WDR82: variants seen among roughly 807,000 people sequenced by gnomAD.
The protein encoded by WDR82 is WD repeat domain 82.
Under a neutral mutation model 36.1 loss-of-function variants are expected in WDR82, and 8 were observed. The observed-to-expected ratio is 0.22, with a 90% CI of 0.13 to 0.40. The LOEUF (loss-of-function observed/expected upper bound fraction) is 0.40. WDR82 is among the 10% of genes least tolerant of loss of function. The pLI, the probability that WDR82 is intolerant of heterozygous loss-of-function variation, is 1.00. For synonymous variants in WDR82, 129 were observed against 137.8 expected (o/e 0.94, Z 0.45); for missense variants, 185 against 400.5 (o/e 0.46, Z 4.59).
Position 52,276,091 on chromosome 3 carries a change from C to T in WDR82, c.161+2110G>A, listed in dbSNP as rs528969977. Among the ~76,000 whole-genome samples, 14 of 152,196 alleles carry T rather than the reference C, an allele frequency of 9.2e-5. No individual in the cohort carries two copies. The South Asian group carries it at 2.3e-3, about 25-fold the overall frequency. ...AGTTTCTAATTATGTAAAAATGCTA[C>T]GAGTAAATAAACTGCCTTATGTCAC... On this transcript the variant is annotated intron_variant, in intron 1 of 8. Coordinates refer to ENST00000296490, the MANE Select transcript of WDR82 (RefSeq NM_025222.4).
In WDR82 at chr3:52,260,426, A is replaced by T. The variant is rs1012843716; in HGVS notation, c.502T>A (p.Ser168Thr). ...AGGTCATAAAGCTTGACCATTTCAG[A>T]GTTGACACCTGCAGCGAAAATTAAC... ...EGLIFAAGVNSEMVKLYDLRS... is the reference protein window; with the variant it reads ...EGLIFAAGVNTEMVKLYDLRS... Residue 168 changes from serine (S) to threonine (T), a missense_variant, in exon 5 of 9, where the codon TCT becomes ACT. This residue lies in a region of WDR82 where 110 missense variants were observed against 212.6 expected (regional missense o/e 0.52). Coordinates refer to ENST00000296490, the MANE Select transcript of WDR82 (RefSeq NM_025222.4). The T allele has an allele frequency of 1.3e-6, 2 of 1,593,532 alleles. No homozygotes were observed. Among genetic ancestry groups the T allele is most frequent in the Admixed American group, 3.6e-5 (2 of 54,908 alleles).
chr3:52,270,830 G>T, intron 1 of WDR82, 21 bp from the exon 2 acceptor site: 1 of 1,534,002 alleles, frequency 6.5e-7, no homozygotes, highest in East Asian at 2.3e-5. Flanking sequence ...AATAGAGACA[G>T]AAAATCATGA....
chr3:52,260,373 T>G lies in WDR82; in HGVS notation c.543+12A>C, dbSNP rs749286487. 10 of 1,527,320 alleles carry G rather than the reference T, an allele frequency of 6.5e-6. No homozygotes were observed. Among genetic ancestry groups the G allele is most frequent in the Non-Finnish European group, 8.8e-6 (10 of 1,141,586 alleles). The allele number at this position is 1,527,320 out of a possible 1,614,324, so 94.6% of individuals were successfully genotyped here. On this transcript the variant is annotated intron_variant, in intron 5 of 8. Transcript: ENST00000296490. ...AAAACAGCTCAAAGATCTCAAAGAT[T>G]CAAAGATTTACCTTATCAAAAGAAC...
intron 8 of WDR82, among the ~76,000 whole-genome samples, chr3:52,258,174 T>C (rs907497944): frequency 1.3e-5 from 2 of 152,002 alleles, no homozygotes; most frequent in Admixed American, 6.6e-5. Flanking sequence ...CCAACAGGAA[T>C]GGAAAACTGA....
rs1474284265 is a variant in WDR82, at chr3:52,261,473, C to T, written c.333G>A (p.Val111=). 1.9e-6 allele frequency: 3 copies of T among 1,611,178 alleles called. No individual in the cohort carries two copies. Among genetic ancestry groups the T allele is most frequent in the South Asian group, 2.2e-5 (2 of 90,374 alleles). The change falls in exon 4 of 9, where the codon GTG becomes GTA. Residue 111 remains valine (V), a synonymous_variant. Transcript: ENST00000296490. ...RYFPGHSKRV[V]ALSMSPVDDT... ...CATCCACAGGTGACATGGACAAGGC[C>T]ACCACCCTGCAATACATCGAGATAA...
rs1700003247 is a variant in WDR82 at position 52,255,953 on chromosome 3, A to T, written c.*1537T>A. Reference sequence around the variant, plus strand: ...TCAACAGGAGTGATCTATCATTGGCAACGAGGCCTCAAACAAACTGCAAAT... The same window carrying T: ...TCAACAGGAGTGATCTATCATTGGCTACGAGGCCTCAAACAAACTGCAAAT... On this transcript the variant is annotated 3_prime_UTR_variant, in exon 9 of 9. Coordinates refer to ENST00000296490, the MANE Select transcript of WDR82 (RefSeq NM_025222.4). The T allele has an allele frequency of 6.5e-6, 1 of 152,790 alleles. No individual in the cohort carries two copies. Among genetic ancestry groups the T allele is most frequent in the African/African-American group, 2.4e-5 (1 of 41,448 alleles). The allele number at this position is 152,790 out of a possible 1,614,324, so 9.5% of individuals were successfully genotyped here. A position where few individuals can be genotyped will look rare whatever the true frequency, so the allele number is the denominator to read the frequency against.
intron 1 of WDR82, among the ~76,000 whole-genome samples, chr3:52,272,784 A>G (rs1201113454): frequency 6.6e-6 from 1 of 152,222 alleles, no homozygotes; most frequent in East Asian, 1.9e-4. Flanking sequence ...GAATCTAGGT[A>G]CTAAACAATC....
At chr3:52,273,606 T>C (rs1700173695) in intron 1 of WDR82, among the ~76,000 whole-genome samples, 1 of 152,152 alleles carries the variant, frequency 6.6e-6, no homozygotes, top group African/African-American at 2.4e-5. Context: ...CCTCATTTCA[T>C]TTCCCAATTT....
intron 3 of WDR82, among the ~76,000 whole-genome samples, chr3:52,261,900 C>T (rs1700064872): frequency 6.6e-6 from 1 of 152,152 alleles, no homozygotes; most frequent in Non-Finnish European, 1.5e-5. Context: ...AACTCCACTC[C>T]TAGGTATTTA....
chr3:52,267,241 A>T, intron 2 of WDR82: 1 of 362,240 alleles, frequency 2.8e-6, no homozygotes, highest in Non-Finnish European at 5.1e-6. Context: ...CATAGAAAGC[A>T]ATGTTTGAAA....
Position 52,258,572 on chromosome 3 carries a change from G to A in WDR82, c.876C>T (p.Pro292=). 2 of 1,614,020 alleles carry A rather than the reference G, an allele frequency of 1.2e-6. No individual in the cohort carries two copies. Among genetic ancestry groups the A allele is most frequent in the Non-Finnish European group, 1.7e-6 (2 of 1,179,940 alleles). Residue 292 remains proline (P), a synonymous_variant, in exon 8 of 9, where the codon CCC becomes CCT. Coordinates refer to ENST00000296490, the MANE Select transcript of WDR82 (RefSeq NM_025222.4). ...TGPITCLQFN[P]KFMTFASACS... is the part of the protein sequence containing the mutation. ...ACGCACTGGCAAAAGTCATGAACTT[G>A]GGGTTGAATTGCAAACAGGTAATCG... is the stretch of plus-strand genomic sequence containing the variant.
chr3:52,272,612 A>G (rs1420285385), intron 1 of WDR82, among the ~76,000 whole-genome samples: 1 of 152,180 alleles, frequency 6.6e-6, no homozygotes, highest in Non-Finnish European at 1.5e-5. Flanking sequence ...TCAAATGCTA[A>G]AATAACTCTC....
chr3:52,259,373 C>T, intron 6 of WDR82, 107 bp from the exon 7 acceptor site: 5 of 1,147,500 alleles, frequency 4.4e-6, no homozygotes, highest in Non-Finnish European at 6.4e-6. Flanking sequence ...CCATGAAACC[C>T]TTTCCTTGTC....
Position 52,278,355 on chromosome 3 carries a change from G to A in WDR82, c.7C>T (p.Leu3=). Residue 3 remains leucine (L), a synonymous_variant, in exon 1 of 9, where the codon CTG becomes TTG. Transcript: ENST00000296490. The part of the protein sequence containing the change: MK[L]TDSVLRSFRV... ...AAGCTCCGCAACACGCTGTCGGTCA[G>A]CTTCATGGCGGCGGCTGGGGAAGGC... 6.4e-7 allele frequency: 1 copy of A among 1,559,442 alleles called. No homozygotes were observed. The highest frequency in any genetic ancestry group is 8.7e-7 in the Non-Finnish European group (1 of 1,155,698).
rs1368481847 is a variant in WDR82 at position 52,255,813 on chromosome 3, T to G, written c.*1677A>C. The G allele has an allele frequency of 6.6e-6, 1 of 152,148 alleles. No individual in the cohort carries two copies. The highest frequency in any genetic ancestry group is 6.5e-5 in the Admixed American group (1 of 15,276). 9.4% of individuals were successfully genotyped at this position (152,148 alleles called of 1,614,324 possible). On this transcript the variant is annotated 3_prime_UTR_variant, in exon 9 of 9. Transcript: ENST00000296490. ...TAAAATGACATACTCCTCTCTCTGC[T>G]CTAAGAAGGCCATGAGCCAGCTGCA...
chr3:52,259,176 A>G (rs757669385), intron 7 of WDR82, 21 bp downstream of exon 7: 10 of 1,606,506 alleles, frequency 6.2e-6, no homozygotes, highest in Non-Finnish European at 8.5e-6. Context: ...TAACCCCCAC[A>G]GGGGATAAAA....
chr3:52,272,241 G>A lies in WDR82; in HGVS notation c.162-1432C>T, dbSNP rs140327304. On this transcript the variant is annotated intron_variant, in intron 1 of 8. Coordinates refer to ENST00000296490, the MANE Select transcript of WDR82 (RefSeq NM_025222.4). ...TTAACCAAAAACTCTAACACATACTGGTTAAGTTAGAAAAATTTTAGGCTG... is the reference window on the plus strand; with the variant it reads ...TTAACCAAAAACTCTAACACATACTAGTTAAGTTAGAAAAATTTTAGGCTG... Among the ~76,000 whole-genome samples the A allele has an allele frequency of 6.9e-3, 1,053 of 152,144 alleles. 2 individuals are homozygous for A. The highest frequency in any genetic ancestry group is 0.011 in the Non-Finnish European group (767 of 68,008).
intron 3 of WDR82, among the ~76,000 whole-genome samples, chr3:52,262,702 T>A (rs1293447360): frequency 6.6e-6 from 1 of 152,238 alleles, no homozygotes; most frequent in Admixed American, 6.5e-5. Context: ...GGTTATACCA[T>A]CAAGAGACAC....
rs932376925 is a variant in WDR82, at chr3:52,278,389, C to T, written c.-28G>A. 4 of 1,460,864 alleles carry T rather than the reference C, an allele frequency of 2.7e-6. No homozygotes were observed. The African/African-American group carries it at 5.9e-5, about 21-fold the overall frequency. 90.5% of individuals were successfully genotyped at this position (1,460,864 alleles called of 1,614,324 possible). A position where few individuals can be genotyped will look rare whatever the true frequency, so the allele number is the denominator to read the frequency against. ...CGGCGGCTGGGGAAGGCAGCGGCGG[C>T]GCAGGGCCGGGGCGGGGCCCGGCGG... is the stretch of plus-strand genomic sequence containing the variant. On this transcript the variant is annotated 5_prime_UTR_variant, in exon 1 of 9. Coordinates refer to ENST00000296490, the MANE Select transcript of WDR82 (RefSeq NM_025222.4).
Sources: allele counts gnomAD v4.1 joint callset (sites outside exome capture counted in the v4.1 genomes callset), GRCh38; gene constraint gnomAD v4.1.1; regional missense constraint gnomAD v4.1.1; transcripts MANE v1.5; gene names NCBI Gene and HGNC (gene_info 2026-07-23, HGNC 2026-07-21).